The following PTPRN2 variants were observed in gnomAD, a reference collection of about 807,000 sequenced individuals.
PTPRN2 encodes protein tyrosine phosphatase receptor type N2.
In PTPRN2, 74 loss-of-function variants were observed where a neutral mutation model predicts 118.8. That is an observed-to-expected ratio of 0.62 (90% CI 0.52 to 0.76). The LOEUF is 0.76. Ranked by LOEUF, PTPRN2 falls within the 30% of genes least tolerant of loss-of-function variation. The pLI, the probability that PTPRN2 is intolerant of heterozygous loss-of-function variation, is 0.00. For missense variants in PTPRN2, 1,481 were observed against 1,394.4 expected (o/e 1.06, Z -0.99); for synonymous variants, 641 against 608.0 (o/e 1.05, Z -0.80).
chr7:158,342,154 C>G (rs1806986553), intron 2 of PTPRN2, among the ~76,000 whole-genome samples: 2 of 148,562 alleles, frequency 1.3e-5, no homozygotes, highest in African/African-American at 5.0e-5. Context: ...AGAGGTCACT[C>G]ACACCCACAC....
chr7:157,670,872 G>A (rs1368771249), intron 13 of PTPRN2, among the ~76,000 whole-genome samples: 2 of 152,222 alleles, frequency 1.3e-5, no homozygotes, highest in Non-Finnish European at 2.9e-5. Context: ...CGCCTTCAGA[G>A]CAGCCCAGGC....
At chr7:158,143,782 T>C (rs945368582) in intron 6 of PTPRN2, among the ~76,000 whole-genome samples, 1 of 152,076 alleles carries the variant, frequency 6.6e-6, no homozygotes, top group African/African-American at 2.4e-5. Context: ...ACAATTCACT[T>C]CCAAGTCCAA....
chr7:157,886,200 C>A (rs962827696), intron 12 of PTPRN2, among the ~76,000 whole-genome samples: 20 of 152,150 alleles, frequency 1.3e-4, no homozygotes, highest in Non-Finnish European at 8.8e-5. Context: ...CCTGCAGGGA[C>A]AATCTTGCCT....
In PTPRN2 at chr7:157,690,504, C is replaced by A. The variant is rs1287063641; in HGVS notation, c.1789-7567G>T. 6.6e-6 allele frequency among the ~76,000 whole-genome samples: 1 copy of A among 152,132 alleles called. No homozygotes were observed. The highest frequency in any genetic ancestry group is 1.5e-5 in the Non-Finnish European group (1 of 68,010). ...CCTCTCTCGCCTCTTCCAGGGCCCACCCAACCGCACTACGAGCGCCCGCGC... is the reference window on the plus strand; with the variant it reads ...CCTCTCTCGCCTCTTCCAGGGCCCAACCAACCGCACTACGAGCGCCCGCGC... On this transcript the variant is annotated intron_variant, in intron 12 of 22. Coordinates refer to ENST00000389418, the MANE Select transcript of PTPRN2 (RefSeq NM_002847.5). The surrounding 1 kb of genome is among the most constrained non-coding windows in gnomAD (Gnocchi z 7.1).
At chr7:158,369,187 C>T (rs1232077736) in intron 2 of PTPRN2, among the ~76,000 whole-genome samples, 1 of 151,740 alleles carries the variant, frequency 6.6e-6, no homozygotes, top group Non-Finnish European at 1.5e-5. Context: ...ACTGGCTCTC[C>T]TTGCAGACAG....
intron 3 of PTPRN2, among the ~76,000 whole-genome samples, chr7:158,287,522 A>G (rs1799843671): frequency 6.6e-6 from 1 of 151,808 alleles, no homozygotes; most frequent in Admixed American, 6.6e-5. Flanking sequence ...CTTTGTTTTT[A>G]TTTTTATTTA....
At chr7:157,747,857 G>C (rs1801096711) in intron 12 of PTPRN2, among the ~76,000 whole-genome samples, 1 of 141,260 alleles carries the variant, frequency 7.1e-6, no homozygotes, top group Non-Finnish European at 1.5e-5. Context: ...GTGATTCTGA[G>C]GCCTGCGTCC....
chr7:157,634,041 C>T lies in PTPRN2; in HGVS notation c.2197-12532G>A, dbSNP rs561240416. ...AGCGCGTGGGGAACAGCAGTGGAGG[C>T]GGGCGAATGAGAGAACTGGGCAGGG... On this transcript the variant is annotated intron_variant, in intron 14 of 22. Coordinates refer to ENST00000389418, the MANE Select transcript of PTPRN2 (RefSeq NM_002847.5). Among the ~76,000 whole-genome samples the T allele has an allele frequency of 8.8e-4, 134 of 152,224 alleles. 1 individual carries two copies. The highest frequency in any genetic ancestry group is 2.9e-3 in the African/African-American group (121 of 41,548).
chr7:158,164,092 G>C (rs1039896482), intron 6 of PTPRN2, among the ~76,000 whole-genome samples: 8 of 152,244 alleles, frequency 5.3e-5, no homozygotes, highest in African/African-American at 1.9e-4. Context: ...GATCACGGGA[G>C]AGTGGAGAGA....
intron 13 of PTPRN2, among the ~76,000 whole-genome samples, chr7:157,657,371 TAC>T (rs1441169721): frequency 8.7e-6 from 1 of 115,068 alleles, no homozygotes; most frequent in Non-Finnish European, 1.7e-5. Context: ...ATCACACATA[TAC>T]ACACACAAAC....
rs2116927109 is a variant in PTPRN2 at position 157,540,569 on chromosome 7, T to C, written c.*145A>G. On this transcript the variant is annotated 3_prime_UTR_variant, in exon 23 of 23. Coordinates refer to ENST00000389418, the MANE Select transcript of PTPRN2 (RefSeq NM_002847.5). ...GTTTGATTAAACAAAAATACACTTTTAACTGCTAAACTGCGCTGACTACGG... is the reference window on the plus strand; with the variant it reads ...GTTTGATTAAACAAAAATACACTTTCAACTGCTAAACTGCGCTGACTACGG... 1 of 534,786 alleles carries C rather than the reference T, an allele frequency of 1.9e-6. No homozygotes were observed. The highest frequency in any genetic ancestry group is 3.1e-6 in the Non-Finnish European group (1 of 322,234). 33.1% of individuals were successfully genotyped at this position (534,786 alleles called of 1,614,324 possible). A position where few individuals can be genotyped will look rare whatever the true frequency, so the allele number is the denominator to read the frequency against.
intron 3 of PTPRN2, among the ~76,000 whole-genome samples, chr7:158,214,397 TACACACACACACACAC>T (rs144370539): frequency 2.7e-5 from 4 of 145,762 alleles, no homozygotes; most frequent in Non-Finnish European, 4.5e-5. Flanking sequence ...CACCAGCGTG[TACACACACACACACAC>T]ACACACACAC....
At position 157,595,494 on chromosome 7, in the gene PTPRN2, T is replaced by C. The variant is rs151336512; in HGVS notation, c.2419-179A>G. On this transcript the variant is annotated intron_variant, in intron 16 of 22. Coordinates refer to ENST00000389418, the MANE Select transcript of PTPRN2 (RefSeq NM_002847.5). Reference sequence around the variant, plus strand: ...TAGGAAGCCAGGAGGTTAGGAAGCCTGGTGTTTAGGAAGCCCGGAGGTTAG... The same window carrying C: ...TAGGAAGCCAGGAGGTTAGGAAGCCCGGTGTTTAGGAAGCCCGGAGGTTAG... 2.0e-3 allele frequency among the ~76,000 whole-genome samples: 254 copies of C among 129,100 alleles called. 4 individuals are homozygous for C. Among genetic ancestry groups the C allele is most frequent in the African/African-American group, 7.7e-3 (246 of 32,046 alleles). The allele number at this position is 129,100 out of a possible 152,430, so 84.7% of individuals were successfully genotyped here.
intron 9 of PTPRN2, among the ~76,000 whole-genome samples, chr7:158,131,854 A>C (rs945773419): frequency 5.6e-5 from 8 of 143,574 alleles, no homozygotes; most frequent in African/African-American, 2.2e-4. Context: ...CACACACACA[A>C]ATACCTACAA....
At position 157,671,481 on chromosome 7, in the gene PTPRN2, C is replaced by T. The variant is rs548501486; in HGVS notation, c.2001+11244G>A. On this transcript the variant is annotated intron_variant, in intron 13 of 22. Coordinates refer to ENST00000389418, the MANE Select transcript of PTPRN2 (RefSeq NM_002847.5). This position sits in a 1 kb window ranked among gnomAD's most constrained non-coding sequence, Gnocchi z 4.1. ...GAAGCTCAGGGGACGGGGGTCTGCACAGGGCTGGACAGATGGGAGGGTCTG... is the reference window on the plus strand; with the variant it reads ...GAAGCTCAGGGGACGGGGGTCTGCATAGGGCTGGACAGATGGGAGGGTCTG... Among the ~76,000 whole-genome samples, 41 of 152,052 alleles carry T rather than the reference C, an allele frequency of 2.7e-4. No individual in the cohort carries two copies. Among genetic ancestry groups the T allele is most frequent in the African/African-American group, 9.7e-4 (40 of 41,442 alleles).
At chr7:158,249,072 A>G (rs979422309) in intron 3 of PTPRN2, among the ~76,000 whole-genome samples, 1 of 148,910 alleles carries the variant, frequency 6.7e-6, no homozygotes. Context: ...TCACACACAT[A>G]CACCACACAC....
At chr7:157,853,927 C>G (rs529906806) in intron 12 of PTPRN2, among the ~76,000 whole-genome samples, 15 of 152,134 alleles carry the variant, frequency 9.9e-5, no homozygotes, top group Non-Finnish European at 1.9e-4. Context: ...GATGCGGACA[C>G]GGGGCAGCCA....
chr7:157,682,211 G>A (rs1237035224), intron 13 of PTPRN2, among the ~76,000 whole-genome samples: 1 of 152,070 alleles, frequency 6.6e-6, no homozygotes, highest in Non-Finnish European at 1.5e-5. Flanking sequence ...TCTAGAGAAG[G>A]TGTCCCTCAT....
At chr7:158,113,613 C>T (rs553559975) in intron 9 of PTPRN2, among the ~76,000 whole-genome samples, 43 of 152,238 alleles carry the variant, frequency 2.8e-4, no homozygotes, top group Admixed American at 5.2e-4. Flanking sequence ...CATGAGCAGG[C>T]GCATGCCGTG....
Sources: allele counts gnomAD v4.1 joint callset (sites outside exome capture counted in the v4.1 genomes callset), GRCh38; gene constraint gnomAD v4.1.1; non-coding constraint Gnocchi (gnomAD v3.1); transcripts MANE v1.5; gene names NCBI Gene and HGNC (gene_info 2026-07-23, HGNC 2026-07-21).